Variants in ERCC8 observed in about 807,000 individuals in gnomAD.
ERCC8 encodes DNA excision repair protein ERCC-8.
ERCC8 carries 52 observed loss-of-function variants against 54.9 expected under a neutral mutation model. The observed-to-expected ratio is 0.95, with a 90% CI of 0.76 to 1.19. The LOEUF is 1.19. ERCC8 is among the 50% of genes most tolerant of loss of function. The pLI is 0.00. For synonymous variants in ERCC8, 146 were observed against 157.2 expected (o/e 0.93, Z 0.53); for missense variants, 514 against 466.1 (o/e 1.10, Z -0.95).
At chr5:60,885,406 A>G (rs993797019) in intron 11 of ERCC8, among the ~76,000 whole-genome samples, 3 of 152,152 alleles carry the variant, frequency 2.0e-5, no homozygotes, top group African/African-American at 7.2e-5. Context: ...ATTTATTTTT[A>G]CTGTTTTCAT....
At position 60,869,876 on chromosome 5, in the gene ERCC8, C is replaced by A. The variant is rs897959517; in HGVS notation, c.*4739G>T. Among the ~76,000 whole-genome samples, 2 of 151,870 alleles carry A rather than the reference C, an allele frequency of 1.3e-5. No individual in the cohort carries two copies. The highest frequency in any genetic ancestry group is 2.9e-5 in the Non-Finnish European group (2 of 67,982). ...TTGAAATATGGCAGAATATAAGTAC[C>A]TTAGGTGACGAAAGGACAGCCAAGA... is the stretch of plus-strand genomic sequence containing the variant. On this transcript the variant is annotated 3_prime_UTR_variant, in exon 12 of 12. Transcript: ENST00000676185.
chr5:60,918,029 T>C, intron 4 of ERCC8: 1 of 488,718 alleles, frequency 2.0e-6, no homozygotes. Context: ...ACTATAATCA[T>C]TATTCCCATT....
chr5:60,891,049 C>A lies in ERCC8; in HGVS notation c.881G>T (p.Gly294Val), dbSNP rs1266795936. Residue 294 changes from glycine (G) to valine (V), a missense_variant, in exon 10 of 12, where the codon GGA becomes GTA. Gly to Val is a moderately radical substitution (Grantham distance 109, BLOSUM62 -3). Transcript: ENST00000676185. ...YGKVCNNSKK[G>V]LKFTVSCGCS... ...GCCACAGGAGACAGTGAATTTCAATCCTTTTTTACTGTTATTACAAACTTT... is the reference window on the plus strand; with the variant it reads ...GCCACAGGAGACAGTGAATTTCAATACTTTTTTACTGTTATTACAAACTTT... 1.2e-6 allele frequency: 2 copies of A among 1,612,798 alleles called. No homozygotes were observed. Among genetic ancestry groups the A allele is most frequent in the Non-Finnish European group, 1.7e-6 (2 of 1,179,658 alleles).
chr5:60,897,115 T>C (rs1244813231), intron 9 of ERCC8, among the ~76,000 whole-genome samples: 1 of 152,138 alleles, frequency 6.6e-6, no homozygotes, highest in Non-Finnish European at 1.5e-5. Context: ...CTCAGGGTCT[T>C]TGTACCTTTT....
In ERCC8 at chr5:60,868,633, T is replaced by C. The variant is rs1024997898; in HGVS notation, c.*5982A>G. Among the ~76,000 whole-genome samples the C allele has an allele frequency of 6.6e-6, 1 of 152,184 alleles. No homozygotes were observed. The highest frequency in any genetic ancestry group is 1.5e-5 in the Non-Finnish European group (1 of 68,024). ...CTTCTGTATCTGAGGATGTTGCTGA[T>C]AGAGCTAGCAAGATAGAAAAATTTG... On this transcript the variant is annotated 3_prime_UTR_variant, in exon 12 of 12. Transcript: ENST00000676185.
intron 4 of ERCC8, among the ~76,000 whole-genome samples, chr5:60,916,905 C>G (rs959834906): frequency 6.6e-6 from 1 of 151,870 alleles, no homozygotes; most frequent in African/African-American, 2.4e-5. Flanking sequence ...ATAGTACTTT[C>G]TTTGGGGAAG....
chr5:60,903,601 G>T, intron 6 of ERCC8, 47 bp downstream of exon 6: 1 of 1,609,668 alleles, frequency 6.2e-7, no homozygotes, highest in South Asian at 1.1e-5. Context: ...TCTTTTTATT[G>T]AATCGTTTAC....
At chr5:60,931,552 T>G (rs1179926868) in intron 1 of ERCC8, among the ~76,000 whole-genome samples, 1 of 152,128 alleles carries the variant, frequency 6.6e-6, no homozygotes, top group Non-Finnish European at 1.5e-5. Context: ...CAAGCAATCC[T>G]CTCACCTTCA....
At chr5:60,900,494 A>G (rs1395858641) in intron 7 of ERCC8, among the ~76,000 whole-genome samples, 2 of 152,050 alleles carry the variant, frequency 1.3e-5, no homozygotes, top group Non-Finnish European at 2.9e-5. Flanking sequence ...TGCCATTTTA[A>G]TAAGAGAGAG....
At chr5:60,885,960 C>T (rs1002940536) in intron 11 of ERCC8, among the ~76,000 whole-genome samples, 2 of 152,040 alleles carry the variant, frequency 1.3e-5, no homozygotes, top group African/African-American at 4.8e-5. Flanking sequence ...TTTTCCTCCA[C>T]CTCCATTTAA....
At chr5:60,918,548 C>T in intron 3 of ERCC8, 160 bp from the exon 4 acceptor site, 1 of 641,492 alleles carries the variant, frequency 1.6e-6, no homozygotes, top group Non-Finnish European at 2.8e-6. Context: ...GAAAGAATGT[C>T]CAGGCATCTC....
chr5:60,940,571 A>G (rs1750228074), intron 1 of ERCC8, among the ~76,000 whole-genome samples: 1 of 152,184 alleles, frequency 6.6e-6, no homozygotes, highest in African/African-American at 2.4e-5. Context: ...GTGATCCCAT[A>G]AAGTTGTTTA....
At chr5:60,931,442 G>A (rs1041515534) in intron 1 of ERCC8, among the ~76,000 whole-genome samples, 2 of 152,018 alleles carry the variant, frequency 1.3e-5, no homozygotes, top group South Asian at 2.1e-4. Flanking sequence ...AAATAGCTAG[G>A]ACTACAATTG....
chr5:60,892,155 G>T, intron 9 of ERCC8: 2 of 510,518 alleles, frequency 3.9e-6, no homozygotes, highest in East Asian at 5.0e-5. Flanking sequence ...TTTTTAGGGT[G>T]GTGGTCTACA....
intron 7 of ERCC8, chr5:60,900,527 T>G (rs1748845889): frequency 6.6e-6 from 1 of 152,012 alleles, no homozygotes; most frequent in African/African-American, 2.4e-5. Flanking sequence ...ATAAGCCTAT[T>G]TTTTATTTAA....
chr5:60,890,476 C>T (rs970977152), intron 10 of ERCC8, among the ~76,000 whole-genome samples: 2 of 152,160 alleles, frequency 1.3e-5, no homozygotes, highest in African/African-American at 4.8e-5. Context: ...CAAAACCTCC[C>T]TTTACTAGCC....
intron 4 of ERCC8, among the ~76,000 whole-genome samples, chr5:60,905,498 T>C (rs116412433): frequency 0.018 from 2,693 of 152,260 alleles, 84 homozygotes; most frequent in African/African-American, 0.061. Context: ...TGTCAAGACT[T>C]CACCCTGGGT....
At chr5:60,930,122 T>C (rs989903334) in intron 1 of ERCC8, among the ~76,000 whole-genome samples, 1 of 152,144 alleles carries the variant, frequency 6.6e-6, no homozygotes, top group African/African-American at 2.4e-5. Context: ...TTCTAGACAT[T>C]ACATATAGTA....
rs1173847379 is a variant in ERCC8 at position 60,922,080 on chromosome 5, T to C, written c.249A>G (p.Thr83=). The C allele has an allele frequency of 6.2e-7, 1 of 1,609,030 alleles. No individual in the cohort carries two copies. The highest frequency in any genetic ancestry group is 8.5e-7 in the Non-Finnish European group (1 of 1,176,208). Residue 83 remains threonine (T), a synonymous_variant, in exon 3 of 12, where the codon ACA becomes ACG. Transcript: ENST00000676185. ...LENSSRQSYY[T]CKAVCSIGRD... ...TGCCAATGGAACACACTGCTTTACA[T>C]GTGTAATAAGATTGTCTGCTGGAGT...
Sources: allele counts gnomAD v4.1 joint callset (sites outside exome capture counted in the v4.1 genomes callset), GRCh38; gene constraint gnomAD v4.1.1; transcripts MANE v1.5; gene names NCBI Gene and HGNC (gene_info 2026-07-23, HGNC 2026-07-21).